CYRIA: variants seen among roughly 807,000 people sequenced by gnomAD.
CYRIA encodes CYFIP-related Rac1 interactor A.
A neutral mutation model predicts 43.9 loss-of-function variants in CYRIA; 15 were observed. The observed-to-expected ratio is 0.34, with a 90% CI of 0.23 to 0.53. CYRIA has a LOEUF of 0.53. Ranked by LOEUF, CYRIA falls within the 20% of genes least tolerant of loss-of-function variation. The probability of loss-of-function intolerance (pLI) is 0.94; values close to 1 mark genes in which losing one functional copy is unlikely to be tolerated. For synonymous variants in CYRIA, 117 were observed against 136.0 expected, an observed-to-expected ratio of 0.86 and a Z score of 0.97; for missense variants, 236 against 394.2, an observed-to-expected ratio of 0.60 and a Z score of 3.40.
chr2:16,641,033 G>A (rs935129605), intron 1 of CYRIA, among the ~76,000 whole-genome samples: 4 of 152,004 alleles, frequency 2.6e-5, no homozygotes, highest in Admixed American at 6.5e-5. Flanking sequence ...TGCTGAGCCC[G>A]TGAACTCTGA....
At chr2:16,627,198 A>G (rs1669197920) in intron 1 of CYRIA, among the ~76,000 whole-genome samples, 1 of 152,226 alleles carries the variant, frequency 6.6e-6, no homozygotes, top group Non-Finnish European at 1.5e-5. Flanking sequence ...GCAAGGCACA[A>G]CAACTGAAGG....
chr2:16,619,228 C>T (rs1244992647), intron 2 of CYRIA, among the ~76,000 whole-genome samples: 1 of 152,160 alleles, frequency 6.6e-6, no homozygotes, highest in African/African-American at 2.4e-5. Flanking sequence ...AGGAGGTCAA[C>T]TGCACCATGC....
intron 2 of CYRIA, among the ~76,000 whole-genome samples, chr2:16,599,916 C>T (rs1280241382): frequency 6.6e-6 from 1 of 152,164 alleles, no homozygotes; most frequent in Non-Finnish European, 1.5e-5. Context: ...GCCACCACAC[C>T]CAGCTAATTT....
At chr2:16,556,652 T>A (rs907187673) in intron 10 of CYRIA, among the ~76,000 whole-genome samples, 1 of 152,068 alleles carries the variant, frequency 6.6e-6, no homozygotes, top group East Asian at 1.9e-4. Flanking sequence ...GAAAACATCC[T>A]TGATAGGTGT....
chr2:16,579,390 T>C (rs1667466118), intron 3 of CYRIA, among the ~76,000 whole-genome samples: 1 of 151,068 alleles, frequency 6.6e-6, no homozygotes, highest in South Asian at 2.1e-4. Context: ...CAAGTAAATA[T>C]GAAGGCCTTA....
intron 1 of CYRIA, among the ~76,000 whole-genome samples, chr2:16,659,943 T>G (rs1670204046): frequency 6.6e-6 from 1 of 152,032 alleles, no homozygotes; most frequent in South Asian, 2.1e-4. Flanking sequence ...GCCACTCCTG[T>G]GTCTCTGCTT....
At chr2:16,601,799 T>G (rs971087719) in intron 2 of CYRIA, among the ~76,000 whole-genome samples, 1 of 152,068 alleles carries the variant, frequency 6.6e-6, no homozygotes, top group Admixed American at 6.6e-5. Flanking sequence ...AAAAATAAGT[T>G]GATAGCATTA....
At chr2:16,611,431 G>C (rs1258825775) in intron 2 of CYRIA, among the ~76,000 whole-genome samples, 1 of 152,146 alleles carries the variant, frequency 6.6e-6, no homozygotes, top group Admixed American at 6.5e-5. Context: ...TCTTTTTAGA[G>C]AATAGGGCTA....
At chr2:16,574,808 G>A (rs913801595) in intron 3 of CYRIA, among the ~76,000 whole-genome samples, 1 of 152,208 alleles carries the variant, frequency 6.6e-6, no homozygotes, top group Admixed American at 6.5e-5. Context: ...TCTGCTGCAG[G>A]GGTGGGGCAC....
chr2:16,551,718 A>C lies in CYRIA; in HGVS notation c.*1218T>G, dbSNP rs1007006719. 11 of 152,160 alleles carry C rather than the reference A, an allele frequency of 7.2e-5. No homozygotes were observed. Among genetic ancestry groups the C allele is most frequent in the Admixed American group, 7.2e-4 (11 of 15,272 alleles). The allele number at this position is 152,160 out of a possible 1,614,324, so 9.4% of individuals were successfully genotyped here. A position where few individuals can be genotyped will look rare whatever the true frequency, so the allele number is the denominator to read the frequency against. ...CGTACTAAGGAAGAAGGGCGGAGTC[A>C]GTCATTTTATCGGCATTAACCTTAC... On this transcript the variant is annotated 3_prime_UTR_variant, in exon 12 of 12. Coordinates refer to ENST00000381323, the MANE Select transcript of CYRIA (RefSeq NM_030797.4).
At chr2:16,600,918 C>T (rs1668183333) in intron 2 of CYRIA, among the ~76,000 whole-genome samples, 1 of 152,172 alleles carries the variant, frequency 6.6e-6, no homozygotes, top group Non-Finnish European at 1.5e-5. Flanking sequence ...TCACATTTGA[C>T]ATTGAAACTC....
intron 2 of CYRIA, among the ~76,000 whole-genome samples, chr2:16,600,274 TAGG>T (rs1326720733): frequency 2.0e-5 from 3 of 152,246 alleles, no homozygotes; most frequent in Non-Finnish European, 4.4e-5. Flanking sequence ...ACTCCAGTCC[TAGG>T]AGATCTGCTT....
At chr2:16,567,130 G>A (rs1666961736) in intron 3 of CYRIA, among the ~76,000 whole-genome samples, 1 of 152,156 alleles carries the variant, frequency 6.6e-6, no homozygotes, top group Non-Finnish European at 1.5e-5. Flanking sequence ...ACAGGGCTGG[G>A]TGCAGTGGCT....
Position 16,550,303 on chromosome 2 carries a change from C to CAA in CYRIA, c.*2632_*2633insTT, listed in dbSNP as rs1354025928. On this transcript the variant is annotated 3_prime_UTR_variant, in exon 12 of 12. Coordinates refer to ENST00000381323, the MANE Select transcript of CYRIA (RefSeq NM_030797.4). ...ACACACACAAAAACCAAAAACAAAGCCAAAAAAAAAAAAATCCCAAACACA... is the reference window on the plus strand; with the variant it reads ...ACACACACAAAAACCAAAAACAAAGCAACAAAAAAAAAAAAATCCCAAACACA... The CAA allele has an allele frequency of 3.4e-5, 4 of 118,504 alleles. No individual in the cohort carries two copies. The highest frequency in any genetic ancestry group is 1.6e-4 in the African/African-American group (4 of 24,520). 7.3% of individuals were successfully genotyped at this position (118,504 alleles called of 1,614,324 possible).
chr2:16,565,487 A>G (rs1666896385), intron 4 of CYRIA, among the ~76,000 whole-genome samples, 159 bp downstream of exon 4: 1 of 152,004 alleles, frequency 6.6e-6, no homozygotes, highest in Non-Finnish European at 1.5e-5. Flanking sequence ...CAGCCGGCCC[A>G]TGCATTTTGT....
chr2:16,564,884 A>G (rs955481798), intron 4 of CYRIA, among the ~76,000 whole-genome samples: 1 of 152,218 alleles, frequency 6.6e-6, no homozygotes, highest in Non-Finnish European at 1.5e-5. Context: ...TTGAGATGAC[A>G]AACTGAAAGC....
chr2:16,579,412 T>C (rs1451764348), intron 3 of CYRIA, among the ~76,000 whole-genome samples: 2 of 126,044 alleles, frequency 1.6e-5, no homozygotes, highest in South Asian at 2.4e-4. Flanking sequence ...TAAAATCACA[T>C]GCACATGCAC....
chr2:16,626,022 T>C (rs1669152261), intron 1 of CYRIA, among the ~76,000 whole-genome samples: 1 of 152,146 alleles, frequency 6.6e-6, no homozygotes, highest in Non-Finnish European at 1.5e-5. Context: ...CTTGTCTTCC[T>C]GTCCATTTTG....
intron 9 of CYRIA, 119 bp downstream of exon 9, chr2:16,560,871 T>C: frequency 1.2e-6 from 1 of 851,914 alleles, no homozygotes; most frequent in African/African-American, 1.7e-5. Flanking sequence ...TTAAAGCAGA[T>C]AATATACATG....
Sources: allele counts gnomAD v4.1 joint callset (sites outside exome capture counted in the v4.1 genomes callset), GRCh38; gene constraint gnomAD v4.1.1; transcripts MANE v1.5; gene names NCBI Gene and HGNC (gene_info 2026-07-23, HGNC 2026-07-21).